Variants in RNGTT observed in about 807,000 individuals in gnomAD.
RNGTT encodes the protein mRNA-capping enzyme.
Under a neutral mutation model 79.3 loss-of-function variants are expected in RNGTT, and 33 were observed. That is an observed-to-expected ratio of 0.42 (90% CI 0.32 to 0.56). The LOEUF is 0.56. Ranked by LOEUF, RNGTT falls within the 20% of genes least tolerant of loss-of-function variation. RNGTT has a pLI of 0.17. For missense variants in RNGTT, 497 were observed against 739.1 expected, an observed-to-expected ratio of 0.67 and a Z score of 3.80; for synonymous variants, 222 against 235.9, an observed-to-expected ratio of 0.94 and a Z score of 0.54.
chr6:88,923,999 C>A (rs556546753), intron 4 of RNGTT, among the ~76,000 whole-genome samples: 42 of 152,246 alleles, frequency 2.8e-4, no homozygotes, highest in Admixed American at 5.9e-4. Flanking sequence ...GGGAAGCCAC[C>A]GGGAGGGGTA....
intron 12 of RNGTT, among the ~76,000 whole-genome samples, chr6:88,772,538 C>G (rs1267434103): frequency 6.6e-6 from 1 of 151,412 alleles, no homozygotes; most frequent in Non-Finnish European, 1.5e-5. Context: ...AACAGGCAAC[C>G]TACAAAATGG....
chr6:88,844,270 T>C, intron 11 of RNGTT, 87 bp downstream of exon 11: 1 of 1,295,636 alleles, frequency 7.7e-7, no homozygotes, highest in Non-Finnish European at 1.1e-6. Flanking sequence ...TCAAGACAAC[T>C]GGGCAGCAAA....
intron 12 of RNGTT, among the ~76,000 whole-genome samples, chr6:88,790,335 A>T (rs1265390354): frequency 1.3e-5 from 2 of 152,202 alleles, no homozygotes; most frequent in Non-Finnish European, 2.9e-5. Flanking sequence ...TAGAAGGACC[A>T]CTAAACCTCT....
intron 13 of RNGTT, among the ~76,000 whole-genome samples, chr6:88,734,230 G>C (rs1381884598): frequency 2.0e-5 from 3 of 151,926 alleles, no homozygotes; most frequent in Admixed American, 1.3e-4. Context: ...TACCCACAAA[G>C]CACTGTATTG....
chr6:88,628,567 T>C (rs1311721178), intron 14 of RNGTT, among the ~76,000 whole-genome samples: 1 of 152,162 alleles, frequency 6.6e-6, no homozygotes, highest in Non-Finnish European at 1.5e-5. Flanking sequence ...ATATTCATCA[T>C]AGATATTTAC....
chr6:88,916,954 G>T (rs867278034), intron 4 of RNGTT, among the ~76,000 whole-genome samples: 1 of 152,178 alleles, frequency 6.6e-6, no homozygotes, highest in Non-Finnish European at 1.5e-5. Context: ...GTACTTACTT[G>T]TTCTACTTAA....
At chr6:88,770,591 A>G (rs948056976) in intron 12 of RNGTT, among the ~76,000 whole-genome samples, 2 of 152,180 alleles carry the variant, frequency 1.3e-5, no homozygotes, top group African/African-American at 4.8e-5. Flanking sequence ...GCTATCATGA[A>G]TGATGCTGCT....
At chr6:88,830,947 T>C (rs1180832769) in intron 11 of RNGTT, among the ~76,000 whole-genome samples, 1 of 152,146 alleles carries the variant, frequency 6.6e-6, no homozygotes, top group African/African-American at 2.4e-5. Context: ...CAGTAATTAA[T>C]AGCCTACCAA....
chr6:88,753,787 T>C (rs1777917400), intron 13 of RNGTT, among the ~76,000 whole-genome samples: 1 of 152,044 alleles, frequency 6.6e-6, no homozygotes, highest in Non-Finnish European at 1.5e-5. Context: ...TCATAGATTA[T>C]ACTGACAAAG....
At chr6:88,854,400 A>C (rs898088630) in intron 8 of RNGTT, among the ~76,000 whole-genome samples, 1 of 152,334 alleles carries the variant, frequency 6.6e-6, no homozygotes, top group African/African-American at 2.4e-5. Context: ...GAAGCCTTTC[A>C]AAGTTTACAA....
intron 6 of RNGTT, among the ~76,000 whole-genome samples, chr6:88,902,690 C>CTTTTTTTTT (rs71024315): frequency 2.4e-5 from 2 of 82,706 alleles, no homozygotes; most frequent in African/African-American, 4.9e-5. Context: ...ATAGTGAAAT[C>CTTTTTTTTT]TTTTTTTTTT....
chr6:88,798,230 T>C (rs1779665329), intron 12 of RNGTT, among the ~76,000 whole-genome samples: 2 of 152,104 alleles, frequency 1.3e-5, no homozygotes, highest in African/African-American at 2.4e-5. Context: ...TTTGCGAGGC[T>C]GAGGCAGGCG....
chr6:88,744,716 T>A (rs539422469), intron 13 of RNGTT, among the ~76,000 whole-genome samples: 9 of 152,294 alleles, frequency 5.9e-5, no homozygotes, highest in Non-Finnish European at 1.0e-4. Context: ...AGACAAAGAA[T>A]TTCAATGCAT....
At chr6:88,957,891 A>T (rs1672044172) in intron 1 of RNGTT, among the ~76,000 whole-genome samples, 1 of 152,210 alleles carries the variant, frequency 6.6e-6, no homozygotes, top group Admixed American at 6.5e-5. Flanking sequence ...CCTAAAATTC[A>T]TTGAACCAAA....
intron 4 of RNGTT, among the ~76,000 whole-genome samples, chr6:88,923,199 T>C (rs1456688405): frequency 1.4e-5 from 2 of 147,414 alleles, no homozygotes; most frequent in South Asian, 2.1e-4. Flanking sequence ...TCTTCTGTTA[T>C]AAAGTTTTCC....
intron 1 of RNGTT, among the ~76,000 whole-genome samples, chr6:88,960,921 GA>G (rs1785594691): frequency 6.6e-6 from 1 of 152,198 alleles, no homozygotes; most frequent in African/African-American, 2.4e-5. Context: ...AAATATCAAA[GA>G]AATTACTGTG....
intron 4 of RNGTT, among the ~76,000 whole-genome samples, chr6:88,924,783 G>C (rs1784269350): frequency 6.7e-6 from 1 of 148,466 alleles, no homozygotes. Context: ...TGGAGTGCAG[G>C]TGTGATCATA....
At chr6:88,921,531 A>T (rs1325443897) in intron 4 of RNGTT, among the ~76,000 whole-genome samples, 1 of 152,066 alleles carries the variant, frequency 6.6e-6, no homozygotes, top group Non-Finnish European at 1.5e-5. Flanking sequence ...CCTTATCTGA[A>T]ACCCTTAGAA....
intron 4 of RNGTT, among the ~76,000 whole-genome samples, chr6:88,915,085 C>G (rs1173922395): frequency 6.6e-6 from 1 of 152,072 alleles, no homozygotes; most frequent in Non-Finnish European, 1.5e-5. Context: ...TCATACCAGT[C>G]AGAATGGTTA....
Sources: gnomAD v4.1 joint callset for allele counts (sites outside exome capture counted in the v4.1 genomes callset) on GRCh38, gnomAD v4.1.1 for gene constraint, MANE v1.5 for transcripts, NCBI Gene and HGNC (gene_info 2026-07-23, HGNC 2026-07-21) for gene names.